The following FOCAD variants were observed in gnomAD, a reference collection of about 807,000 sequenced individuals.
FOCAD encodes KIAA1797.
In FOCAD, 198 loss-of-function variants were observed where a neutral mutation model predicts 225.6. The observed-to-expected ratio is 0.88, with a 90% CI of 0.78 to 0.99. The LOEUF (loss-of-function observed/expected upper bound fraction) is 0.99. Among genes scored for constraint, FOCAD ranks in the 50% least tolerant of loss-of-function variants. The pLI is 0.00. For missense variants in FOCAD, 2,713 were observed against 2,123.6 expected (o/e 1.28, Z -5.46); for synonymous variants, 897 against 755.0 (o/e 1.19, Z -3.08).
At chr9:20,918,255 C>T (rs1482341317) in intron 24 of FOCAD, among the ~76,000 whole-genome samples, 1 of 152,208 alleles carries the variant, frequency 6.6e-6, no homozygotes, top group East Asian at 1.9e-4. Context: ...TCTCCTAAAG[C>T]AAATTATAAT....
chr9:20,770,363 G>C, intron 8 of FOCAD, 125 bp downstream of exon 8: 1 of 825,004 alleles, frequency 1.2e-6, no homozygotes, highest in South Asian at 1.8e-5. Context: ...GATGCATGGT[G>C]CTGGCATCTG....
chr9:20,911,416 A>C (rs1450643461), intron 22 of FOCAD, among the ~76,000 whole-genome samples: 8 of 152,158 alleles, frequency 5.3e-5, no homozygotes, highest in Non-Finnish European at 8.8e-5. Context: ...AACTTTGAGA[A>C]GTACAAGGAC....
chr9:20,855,129 A>T (rs926230941), intron 15 of FOCAD, among the ~76,000 whole-genome samples: 1 of 151,906 alleles, frequency 6.6e-6, no homozygotes, highest in East Asian at 1.9e-4. Flanking sequence ...ATTGAGTTAT[A>T]TGGTAAAAAT....
At chr9:20,858,399 A>G (rs932526670) in intron 15 of FOCAD, among the ~76,000 whole-genome samples, 1 of 152,032 alleles carries the variant, frequency 6.6e-6, no homozygotes. Flanking sequence ...AATCTTCTCT[A>G]ATGATCCTTT....
intron 1 of FOCAD, among the ~76,000 whole-genome samples, chr9:20,705,359 C>G (rs1248484134): frequency 1.3e-5 from 2 of 152,124 alleles, no homozygotes; most frequent in Admixed American, 1.3e-4. Context: ...CATCCTTACA[C>G]TGTGTATACT....
At chr9:20,708,572 C>A (rs569701569) in intron 1 of FOCAD, among the ~76,000 whole-genome samples, 4 of 152,078 alleles carry the variant, frequency 2.6e-5, no homozygotes, top group Admixed American at 1.3e-4. Flanking sequence ...GAGTTTGAGA[C>A]CAGCCCGAGG....
At chr9:20,787,280 G>T (rs1426617991) in intron 10 of FOCAD, among the ~76,000 whole-genome samples, 2 of 152,174 alleles carry the variant, frequency 1.3e-5, no homozygotes, top group Non-Finnish European at 2.9e-5. Flanking sequence ...CTCTCCGGAA[G>T]ATGACAGCAA....
intron 4 of FOCAD, among the ~76,000 whole-genome samples, chr9:20,737,843 A>G (rs752830232): frequency 9.8e-5 from 15 of 152,330 alleles, no homozygotes; most frequent in South Asian, 4.1e-4. Flanking sequence ...GTCAGATCCC[A>G]TAGACCTTCA....
At chr9:20,675,756 C>G (rs899225758) in intron 2 of FOCAD, among the ~76,000 whole-genome samples, 4 of 152,152 alleles carry the variant, frequency 2.6e-5, no homozygotes, top group African/African-American at 9.7e-5. Context: ...ATTAACCTTT[C>G]AGTGAGATCT....
intron 18 of FOCAD, among the ~76,000 whole-genome samples, chr9:20,870,776 A>G (rs1252960060): frequency 1.3e-5 from 2 of 152,198 alleles, no homozygotes; most frequent in Non-Finnish European, 2.9e-5. Context: ...AGGCTAAGCT[A>G]TGATGTTTGA....
intron 15 of FOCAD, among the ~76,000 whole-genome samples, chr9:20,853,372 C>T (rs564113700): frequency 6.6e-6 from 1 of 151,864 alleles, no homozygotes; most frequent in South Asian, 2.1e-4. Flanking sequence ...TAATAAATGT[C>T]TCTGTTTTTA....
intron 2 of FOCAD, among the ~76,000 whole-genome samples, chr9:20,672,915 A>G (rs1163294017): frequency 2.0e-5 from 3 of 152,236 alleles, no homozygotes; most frequent in Non-Finnish European, 4.4e-5. Context: ...ATTTAAATAA[A>G]CTAATAGTTT....
intron 21 of FOCAD, among the ~76,000 whole-genome samples, chr9:20,905,500 G>A (rs774811048): frequency 2.6e-5 from 4 of 151,720 alleles, no homozygotes; most frequent in Admixed American, 1.3e-4. Flanking sequence ...TGGATTATTC[G>A]GCAAAAATTT....
At chr9:20,976,079 A>G (rs1275310097) in intron 35 of FOCAD, among the ~76,000 whole-genome samples, 1 of 152,340 alleles carries the variant, frequency 6.6e-6, no homozygotes, top group East Asian at 1.9e-4. Context: ...ATGTTTCAGC[A>G]TAAAGAAATG....
At chr9:20,820,821 C>T (rs746624293) in intron 13 of FOCAD, 120 bp from the exon 14 acceptor site, 14 of 1,086,794 alleles carry the variant, frequency 1.3e-5, no homozygotes, top group Admixed American at 1.1e-4. Flanking sequence ...ATTAGAAGAA[C>T]GACAGTATAA....
At chr9:20,849,510 C>T (rs992292238) in intron 15 of FOCAD, among the ~76,000 whole-genome samples, 2 of 151,870 alleles carry the variant, frequency 1.3e-5, no homozygotes, top group Non-Finnish European at 1.5e-5. Flanking sequence ...CTCACTTACA[C>T]TTGTGGAGTT....
In FOCAD at chr9:20,874,825, G is replaced by C; in HGVS notation, c.2317+18G>C. 6.2e-7 allele frequency: 1 copy of C among 1,613,270 alleles called. No individual in the cohort carries two copies. Among genetic ancestry groups the C allele is most frequent in the Non-Finnish European group, 8.5e-7 (1 of 1,179,468 alleles). On this transcript the variant is annotated intron_variant, in intron 19 of 43. Transcript: ENST00000338382. ...TTTACCAGGTGACTCCTATTTGGTA[G>C]TAGAGAAGCTAGCATTTTTTAGTGG...
chr9:20,794,815 C>G (rs1437369118), intron 11 of FOCAD, among the ~76,000 whole-genome samples: 1 of 152,120 alleles, frequency 6.6e-6, no homozygotes, highest in African/African-American at 2.4e-5. Flanking sequence ...AATTTTGAAC[C>G]TGGCATATTT....
intron 21 of FOCAD, among the ~76,000 whole-genome samples, chr9:20,900,124 C>G (rs1832435285): frequency 6.6e-6 from 1 of 151,938 alleles, no homozygotes; most frequent in Admixed American, 6.6e-5. Flanking sequence ...CTGAAATTTG[C>G]TGCCAGTCTT....
Sources: allele counts gnomAD v4.1 joint callset (sites outside exome capture counted in the v4.1 genomes callset), GRCh38; gene constraint gnomAD v4.1.1; transcripts MANE v1.5; gene names NCBI Gene and HGNC (gene_info 2026-07-23, HGNC 2026-07-21).